Variants in PITPNC1 observed in about 807,000 individuals in gnomAD.
The protein encoded by PITPNC1 is cytoplasmic phosphatidylinositol transfer protein 1.
PITPNC1 carries 18 observed loss-of-function variants against 44.7 expected under a neutral mutation model. The observed-to-expected ratio is 0.40, with a 90% CI of 0.28 to 0.60. The LOEUF is 0.60. Among genes scored for constraint, PITPNC1 ranks in the 20% least tolerant of loss-of-function variants. The pLI is 0.39. For missense variants in PITPNC1, 290 were observed against 418.4 expected (o/e 0.69, Z 2.68); for synonymous variants, 141 against 149.6 (o/e 0.94, Z 0.42).
In PITPNC1 at chr17:67,697,232, GT is replaced by G. The variant is rs2043024473; in HGVS notation, c.*4345del. 1 of 151,150 alleles carries G rather than the reference GT, an allele frequency of 6.6e-6. No individual in the cohort carries two copies. Among genetic ancestry groups the G allele is most frequent in the Non-Finnish European group, 1.5e-5 (1 of 67,896 alleles). The allele number at this position is 151,150 out of a possible 1,614,324, so 9.4% of individuals were successfully genotyped here. ...AACTTACTTTTTCTTACATTCTGTT[GT>G]AAATAAAATACAAAGCAATCTTCTT... On this transcript the variant is annotated 3_prime_UTR_variant, in exon 9 of 9. Transcript: ENST00000581322.
chr17:67,571,235 AACCTGG>A (rs1198451998), intron 4 of PITPNC1, among the ~76,000 whole-genome samples: 5 of 152,298 alleles, frequency 3.3e-5, no homozygotes, highest in South Asian at 4.1e-4. Flanking sequence ...GTTTGAGACC[AACCTGG>A]GCAACACAGT....
chr17:67,382,485 C>T (rs2037976985), intron 1 of PITPNC1, among the ~76,000 whole-genome samples: 1 of 151,986 alleles, frequency 6.6e-6, no homozygotes, highest in African/African-American at 2.4e-5. Context: ...GTGGTGGTCT[C>T]TGAACTCAAT....
intron 1 of PITPNC1, among the ~76,000 whole-genome samples, chr17:67,413,491 G>C (rs184508959): frequency 6.9e-6 from 1 of 145,566 alleles, no homozygotes; most frequent in Non-Finnish European, 1.5e-5. Flanking sequence ...GCTATGCTCA[G>C]CCTGTGTGTC....
intron 1 of PITPNC1, among the ~76,000 whole-genome samples, chr17:67,532,077 G>C (rs879654807): frequency 7.2e-5 from 11 of 152,156 alleles, no homozygotes; most frequent in African/African-American, 1.7e-4. Flanking sequence ...GATTATTTTA[G>C]GGTAAGACAG....
intron 5 of PITPNC1, among the ~76,000 whole-genome samples, chr17:67,588,603 A>G (rs938039583): frequency 3.9e-5 from 6 of 152,128 alleles, no homozygotes; most frequent in African/African-American, 1.4e-4. Context: ...AAAAGAAAAA[A>G]AATAGAGCGT....
intron 5 of PITPNC1, among the ~76,000 whole-genome samples, chr17:67,584,803 G>A (rs575447454): frequency 1.6e-4 from 24 of 152,264 alleles, no homozygotes; most frequent in African/African-American, 5.8e-4. Flanking sequence ...AAGGATCGGG[G>A]ATACAGCATT....
chr17:67,435,868 G>A (rs746333331), intron 1 of PITPNC1, among the ~76,000 whole-genome samples: 2 of 152,062 alleles, frequency 1.3e-5, no homozygotes, highest in East Asian at 1.9e-4. Context: ...CACCCTCCCC[G>A]CCAAGAAGAA....
intron 1 of PITPNC1, chr17:67,525,361 A>G (rs1413008127): frequency 6.6e-6 from 1 of 152,226 alleles, no homozygotes; most frequent in Non-Finnish European, 1.5e-5. Flanking sequence ...AAAGTATTCA[A>G]CTCTGCCATT....
In PITPNC1 at chr17:67,513,932, C is replaced by T. The variant is rs1317167624; in HGVS notation, c.49-18870C>T. Among the ~76,000 whole-genome samples, 7 of 151,554 alleles carry T rather than the reference C, an allele frequency of 4.6e-5. No individual in the cohort carries two copies. The South Asian group carries it at 6.3e-4, about 14-fold the overall frequency. ...ATAGGCCTTTTGAGAAATGGATGGTCGGAGGGGATTGTGCACAATTCTGTG... is the reference window on the plus strand; with the variant it reads ...ATAGGCCTTTTGAGAAATGGATGGTTGGAGGGGATTGTGCACAATTCTGTG... On this transcript the variant is annotated intron_variant, in intron 1 of 8. Coordinates refer to ENST00000581322, the MANE Select transcript of PITPNC1 (RefSeq NM_012417.4).
At chr17:67,665,084 T>TTTTGTTTG (rs148943727) in intron 6 of PITPNC1, among the ~76,000 whole-genome samples, 2,048 of 151,236 alleles carry the variant, frequency 0.014, 52 homozygotes, top group African/African-American at 0.047. Flanking sequence ...TTTTTTGGGG[T>TTTTGTTTG]TTTGTTTGTT....
intron 1 of PITPNC1, among the ~76,000 whole-genome samples, chr17:67,480,952 A>C (rs1355247753): frequency 1.3e-5 from 2 of 152,226 alleles, no homozygotes; most frequent in East Asian, 3.8e-4. Flanking sequence ...CATGCCTGTA[A>C]TCCCAGCAAT....
At chr17:67,392,815 T>G (rs1008217716) in intron 1 of PITPNC1, among the ~76,000 whole-genome samples, 38 of 152,104 alleles carry the variant, frequency 2.5e-4, no homozygotes, top group African/African-American at 9.2e-4. Context: ...ATGTTTATTG[T>G]TTTTTAAAAA....
At chr17:67,590,440 GA>G (rs1234458224) in intron 5 of PITPNC1, among the ~76,000 whole-genome samples, 1 of 152,124 alleles carries the variant, frequency 6.6e-6, no homozygotes, top group Non-Finnish European at 1.5e-5. Flanking sequence ...TAATACTACT[GA>G]AACTATTTTT....
At chr17:67,444,379 T>C (rs972236343) in intron 1 of PITPNC1, among the ~76,000 whole-genome samples, 4 of 152,072 alleles carry the variant, frequency 2.6e-5, no homozygotes, top group Non-Finnish European at 5.9e-5. Context: ...GTAAATCATG[T>C]GTCCAACATG....
intron 1 of PITPNC1, among the ~76,000 whole-genome samples, chr17:67,532,543 C>T (rs953555022): frequency 1.4e-4 from 21 of 152,096 alleles, no homozygotes; most frequent in African/African-American, 5.1e-4. Flanking sequence ...GCTGCCAAAG[C>T]TTACAGACTG....
At chr17:67,422,984 T>C (rs1009504366) in intron 1 of PITPNC1, among the ~76,000 whole-genome samples, 3 of 152,142 alleles carry the variant, frequency 2.0e-5, no homozygotes, top group African/African-American at 7.2e-5. Flanking sequence ...GAGTTCAGTA[T>C]GCTAGCATTT....
intron 6 of PITPNC1, among the ~76,000 whole-genome samples, chr17:67,634,048 C>A (rs2042001558): frequency 6.6e-6 from 1 of 152,200 alleles, no homozygotes; most frequent in Non-Finnish European, 1.5e-5. Flanking sequence ...TCCCTGTGCT[C>A]TGTGCCCCCA....
At chr17:67,513,130 G>T (rs1401333307) in intron 1 of PITPNC1, among the ~76,000 whole-genome samples, 1 of 152,084 alleles carries the variant, frequency 6.6e-6, no homozygotes, top group Admixed American at 6.6e-5. Context: ...TAGGGAGGCC[G>T]AGGCAGATGG....
At chr17:67,566,226 C>G (rs771281915) in intron 4 of PITPNC1, among the ~76,000 whole-genome samples, 1 of 152,050 alleles carries the variant, frequency 6.6e-6, no homozygotes, top group Non-Finnish European at 1.5e-5. Flanking sequence ...TTTTTTGATA[C>G]AGGGGCTTGC....
Sources: allele counts gnomAD v4.1 joint callset (sites outside exome capture counted in the v4.1 genomes callset), GRCh38; gene constraint gnomAD v4.1.1; transcripts MANE v1.5; gene names NCBI Gene and HGNC (gene_info 2026-07-23, HGNC 2026-07-21).